Variants in TTC5 observed in about 807,000 individuals in gnomAD.
The protein encoded by TTC5 is tetratricopeptide repeat domain 5, also known as tetratricopeptide repeat protein 5.
A neutral mutation model predicts 57.4 loss-of-function variants in TTC5; 46 were observed. The observed-to-expected ratio is 0.80, with a 90% confidence interval of 0.63 to 1.03. TTC5 has a LOEUF of 1.03. Among genes scored for constraint, TTC5 ranks in the 50% least tolerant of loss-of-function variants. The pLI is 0.00. For missense variants in TTC5, 504 were observed against 528.1 expected, an observed-to-expected ratio of 0.95 and a Z score of 0.45; for synonymous variants, 190 against 203.5, an observed-to-expected ratio of 0.93 and a Z score of 0.57.
At chr14:20,305,763 GTAACCACACAGACGCACGCAGCT>G in intron 1 of TTC5, 101 bp downstream of exon 1, 1 of 1,047,884 alleles carries the variant, frequency 9.5e-7, no homozygotes, top group Non-Finnish European at 1.5e-6. Context: ...GGTTGTTATA[GTAACCACACAGACGCACGCAGCT>G]TCGCGTGTGT....
chr14:20,291,970 A>G lies in TTC5; in HGVS notation c.1203+13T>C. 6.4e-7 allele frequency: 1 copy of G among 1,557,628 alleles called. No homozygotes were observed. Among genetic ancestry groups the G allele is most frequent in the South Asian group, 1.2e-5 (1 of 80,390 alleles). On this transcript the variant is annotated intron_variant, in intron 9 of 9. Transcript: ENST00000258821. ...AGCCTACGAGTTGTAAGAGAATCCT[A>G]GCCATTGCTCACCTTTCCTTTGTGC...
chr14:20,305,923 TTCA>T lies in TTC5; in HGVS notation c.12_14del (p.Asp4del). ...GCAAGATCGGCTTGACTTCTTCCTC[TTCA>T]TCAGCCATCATCTCCCGGCCACTCC... On this transcript the variant is annotated inframe_deletion, in exon 1 of 10. Coordinates refer to ENST00000258821, the MANE Select transcript of TTC5 (RefSeq NM_138376.3). The T allele has an allele frequency of 6.2e-7, 1 of 1,614,104 alleles. No homozygotes were observed. Among genetic ancestry groups the T allele is most frequent in the Non-Finnish European group, 8.5e-7 (1 of 1,180,030 alleles).
intron 1 of TTC5, among the ~76,000 whole-genome samples, chr14:20,302,863 T>C (rs751365945): frequency 1.2e-4 from 18 of 152,126 alleles, no homozygotes. Context: ...TCAGCCTATG[T>C]GTATAAAGTG....
rs375991066 is a variant in TTC5, at chr14:20,299,456, T to G, written c.397-8A>C. On this transcript the variant is annotated splice_region_variant and splice_polypyrimidine_tract_variant and intron_variant, in intron 3 of 9. Coordinates refer to ENST00000258821, the MANE Select transcript of TTC5 (RefSeq NM_138376.3). ...GGAGACTTTGTTCCTGCACTGCAAATAGGAAGGGCACATACTCAATCTTCC... is the reference window on the plus strand; with the variant it reads ...GGAGACTTTGTTCCTGCACTGCAAAGAGGAAGGGCACATACTCAATCTTCC... The G allele has an allele frequency of 1.9e-6, 3 of 1,613,366 alleles. No homozygotes were observed. Among genetic ancestry groups the G allele is most frequent in the African/African-American group, 1.3e-5 (1 of 74,930 alleles).
chr14:20,304,464 A>G (rs766712908), intron 1 of TTC5, among the ~76,000 whole-genome samples: 3 of 152,214 alleles, frequency 2.0e-5, no homozygotes, highest in Non-Finnish European at 4.4e-5. Context: ...AGAAATATCC[A>G]TTTATACACT....
At position 20,298,797 on chromosome 14, in the gene TTC5, T is replaced by G; in HGVS notation, c.639A>C (p.Ala213=). Residue 213 remains alanine (A), a splice_region_variant and synonymous_variant, in exon 5 of 10, where the codon GCA becomes GCC. Transcript: ENST00000258821. ...TGGCCTGGTGACCATAAGTACTTACTGCTTGGGCATAGGCACTGAGGGCTT... is the reference window on the plus strand; with the variant it reads ...TGGCCTGGTGACCATAAGTACTTACGGCTTGGGCATAGGCACTGAGGGCTT... ...SQQALSAYAQ[A]EKVDRKASSN... 6.2e-7 allele frequency: 1 copy of G among 1,609,826 alleles called. No individual in the cohort carries two copies. The highest frequency in any genetic ancestry group is 1.1e-5 in the South Asian group (1 of 90,982).
At chr14:20,302,260 T>C (rs1270877197) in intron 1 of TTC5, among the ~76,000 whole-genome samples, 1 of 152,150 alleles carries the variant, frequency 6.6e-6, no homozygotes, top group African/African-American at 2.4e-5. Context: ...GCACTTCACA[T>C]ACCACAGTCA....
rs1238709797 is a variant in TTC5, at chr14:20,305,897, T to C, written c.41A>G (p.Gln14Arg). 1.9e-6 allele frequency: 3 copies of C among 1,614,168 alleles called. No homozygotes were observed. The highest frequency in any genetic ancestry group is 2.2e-5 in the South Asian group (2 of 91,080). Residue 14 changes from glutamine to arginine, a missense_variant, in exon 1 of 10, where the codon CAG becomes CGG. Coordinates refer to ENST00000258821, the MANE Select transcript of TTC5 (RefSeq NM_138376.3). Reference sequence around the variant, plus strand: ...AATCTACGGCCCCACCTGCAATTTCTGCAAGATCGGCTTGACTTCTTCCTC... The same window carrying C: ...AATCTACGGCCCCACCTGCAATTTCCGCAAGATCGGCTTGACTTCTTCCTC... ...DEEEEVKPIL[Q>R]KLQELVDQLY... is the part of the protein sequence containing the mutation.
At position 20,300,789 on chromosome 14, in the gene TTC5, T is replaced by G. The variant is rs747509455; in HGVS notation, c.214A>C (p.Met72Leu). 2 of 1,614,020 alleles carry G rather than the reference T, an allele frequency of 1.2e-6. No individual in the cohort carries two copies. The highest frequency in any genetic ancestry group is 3.3e-5 in the Admixed American group (2 of 60,006). ...ACATTTAGTGCTTTCCCAGTTAGCA[T>G]TAGAACTTGTGCCTTGCCCTGGACA... Reference protein sequence around the residue: ...GSVQGKAQVLMLTGKALNVTP... With the variant: ...GSVQGKAQVLLLTGKALNVTP... Residue 72 changes from methionine to leucine, a missense_variant, in exon 3 of 10, where the codon ATG (methionine) becomes CTG (leucine). Physicochemically the swap from Met to Leu is conservative, Grantham distance 15. Transcript: ENST00000258821.
chr14:20,292,860 T>A (rs1039995260), intron 8 of TTC5: 1 of 152,134 alleles, frequency 6.6e-6, no homozygotes, highest in African/African-American at 2.4e-5. Context: ...AAAAACCAGC[T>A]GGGTTAAAAG....
At chr14:20,295,622 C>G in intron 7 of TTC5, 86 bp downstream of exon 7, 1 of 1,544,994 alleles carries the variant, frequency 6.5e-7, no homozygotes, top group Non-Finnish European at 8.7e-7. Context: ...GGGTCTCTAC[C>G]TCGTAAACCT....
At chr14:20,292,292 TA>T in intron 8 of TTC5, 165 bp from the exon 9 acceptor site, 1 of 400,516 alleles carries the variant, frequency 2.5e-6, no homozygotes, top group Admixed American at 4.4e-5. Context: ...ACTTTAAAAA[TA>T]AAATACTAAC....
chr14:20,302,106 G>A (rs1882205647), intron 1 of TTC5, 141 bp from the exon 2 acceptor site: 12 of 920,958 alleles, frequency 1.3e-5, no homozygotes, highest in Non-Finnish European at 4.9e-6. Context: ...CAGGTGGACA[G>A]GTTTACTAAA....
rs1882036513 is a variant in TTC5, at chr14:20,295,316, G to T, written c.1054C>A (p.Pro352Thr). The T allele has an allele frequency of 6.2e-7, 1 of 1,613,794 alleles. No individual in the cohort carries two copies. Among genetic ancestry groups the T allele is most frequent in the Non-Finnish European group, 8.5e-7 (1 of 1,179,704 alleles). Residue 352 changes from proline to threonine, a missense_variant, in exon 8 of 10, where the codon CCC (proline) becomes ACC (threonine). Pro to Thr is a conservative substitution (Grantham distance 38). Transcript: ENST00000258821. ...GGAAATCCAAGAGAAACTCACAAGG[G>T]GACTTTCTCCTCTGTGGTGAGGCTA... ...VFSLTTEEKV[P>T]FTFGLVDSDG...
intron 8 of TTC5, chr14:20,294,679 A>AGT (rs1308084199): frequency 9.9e-5 from 15 of 152,258 alleles, no homozygotes; most frequent in Non-Finnish European, 2.2e-4. Flanking sequence ...TTAGGAAGTG[A>AGT]GTGAAGGACC....
intron 8 of TTC5, chr14:20,295,046 G>A: frequency 2.5e-6 from 1 of 396,846 alleles, no homozygotes; most frequent in Non-Finnish European, 4.6e-6. Flanking sequence ...AATATGTCCT[G>A]CCAAATTTCA....
intron 3 of TTC5, among the ~76,000 whole-genome samples, chr14:20,299,720 T>G (rs1312329890): frequency 1.3e-5 from 2 of 152,066 alleles, no homozygotes; most frequent in Non-Finnish European, 2.9e-5. Context: ...GCCCGGCTAA[T>G]TTTTATATTT....
chr14:20,290,295 T>G (rs2152491), intron 9 of TTC5, among the ~76,000 whole-genome samples: 1 of 152,146 alleles, frequency 6.6e-6, no homozygotes, highest in Non-Finnish European at 1.5e-5. Flanking sequence ...TCAGTTTAAG[T>G]GTATTTTAAG....
chr14:20,296,342 G>A lies in TTC5; in HGVS notation c.696+48C>T, dbSNP rs1024312741. ...GTTATCCTCACAAGCTAAGACATAG[G>A]TGTCTTATTTATTTGACCCTCAGAT... On this transcript the variant is annotated intron_variant, in intron 6 of 9. Transcript: ENST00000258821. 3 of 1,392,150 alleles carry A rather than the reference G, an allele frequency of 2.2e-6. No individual in the cohort carries two copies. In the African/African-American group the frequency reaches 4.2e-5, roughly 20 times the overall value. The allele number at this position is 1,392,150 out of a possible 1,614,324, so 86.2% of individuals were successfully genotyped here.
Sources: allele counts gnomAD v4.1 joint callset (sites outside exome capture counted in the v4.1 genomes callset), GRCh38; gene constraint gnomAD v4.1.1; transcripts MANE v1.5; gene names NCBI Gene and HGNC (gene_info 2026-07-23, HGNC 2026-07-21).